The following SRPK2 variants were observed in gnomAD, a reference collection of about 807,000 sequenced individuals.
SRPK2 encodes SRSF protein kinase 2.
Under a neutral mutation model 90.8 loss-of-function variants are expected in SRPK2, and 21 were observed. The ratio of observed to expected loss-of-function variants is 0.23; its 90% CI spans 0.16 to 0.33. The LOEUF is 0.33. Ranked by LOEUF, SRPK2 falls within the 10% of genes least tolerant of loss-of-function variation. The pLI, the probability that SRPK2 is intolerant of heterozygous loss-of-function variation, is 1.00. For missense variants in SRPK2, 620 were observed against 869.0 expected, an observed-to-expected ratio of 0.71 and a Z score of 3.60; for synonymous variants, 288 against 311.1, an observed-to-expected ratio of 0.93 and a Z score of 0.78.
At chr7:105,227,443 A>T (rs1284297500) in intron 2 of SRPK2, among the ~76,000 whole-genome samples, 1 of 152,206 alleles carries the variant, frequency 6.6e-6, no homozygotes, top group Non-Finnish European at 1.5e-5. Flanking sequence ...TTCCTCCAAA[A>T]AAGACATACA....
At chr7:105,338,610 G>A (rs1815397780) in intron 2 of SRPK2, among the ~76,000 whole-genome samples, 1 of 152,172 alleles carries the variant, frequency 6.6e-6, no homozygotes, top group South Asian at 2.1e-4. Context: ...TAAAAGCACT[G>A]ACCTTAAAGG....
At chr7:105,289,246 C>G (rs1808619973) in intron 2 of SRPK2, among the ~76,000 whole-genome samples, 1 of 151,434 alleles carries the variant, frequency 6.6e-6, no homozygotes, top group Non-Finnish European at 1.5e-5. Flanking sequence ...TGCACTCCAG[C>G]CTGGGCGACA....
At chr7:105,281,121 G>C (rs1425298896) in intron 2 of SRPK2, among the ~76,000 whole-genome samples, 1 of 151,336 alleles carries the variant, frequency 6.6e-6, no homozygotes, top group Non-Finnish European at 1.5e-5. Context: ...TCTGAGACAG[G>C]AGTCTCTCTA....
chr7:105,299,362 AG>A (rs1810246567), intron 2 of SRPK2, among the ~76,000 whole-genome samples: 1 of 152,250 alleles, frequency 6.6e-6, no homozygotes, highest in South Asian at 2.1e-4. Flanking sequence ...ATCTACCTTA[AG>A]GCTTCTTTCG....
intron 3 of SRPK2, among the ~76,000 whole-genome samples, chr7:105,199,298 TA>T (rs1795269555): frequency 6.6e-6 from 1 of 152,212 alleles, no homozygotes; most frequent in Non-Finnish European, 1.5e-5. Flanking sequence ...CTTTTGTTGT[TA>T]ATTTTTTTTT....
At chr7:105,302,375 T>C (rs1408210338) in intron 2 of SRPK2, among the ~76,000 whole-genome samples, 2 of 152,218 alleles carry the variant, frequency 1.3e-5, no homozygotes, top group Non-Finnish European at 2.9e-5. Flanking sequence ...TCAGTGTTAA[T>C]TTATATGATC....
chr7:105,294,143 A>G (rs1028877844), intron 2 of SRPK2, among the ~76,000 whole-genome samples: 1 of 152,220 alleles, frequency 6.6e-6, no homozygotes, highest in Non-Finnish European at 1.5e-5. Flanking sequence ...GGTTAAGAGA[A>G]TGCCTGGCAT....
At chr7:105,252,514 T>G (rs1585369740) in intron 2 of SRPK2, among the ~76,000 whole-genome samples, 1 of 152,296 alleles carries the variant, frequency 6.6e-6, no homozygotes, top group African/African-American at 2.4e-5. Flanking sequence ...AATTAAAAAT[T>G]TAATCCTTCA....
chr7:105,339,985 G>A (rs1238604029), intron 2 of SRPK2, among the ~76,000 whole-genome samples: 1 of 151,508 alleles, frequency 6.6e-6, no homozygotes, highest in East Asian at 1.9e-4. Flanking sequence ...TTGAGTCCAG[G>A]AGGCGGAAAC....
chr7:105,225,776 T>A (rs891840284), intron 2 of SRPK2, among the ~76,000 whole-genome samples: 3 of 144,246 alleles, frequency 2.1e-5, no homozygotes, highest in African/African-American at 7.8e-5. Context: ...CTTATAAATG[T>A]CTTACAACTA....
At chr7:105,161,670 C>T (rs1807679603) in intron 6 of SRPK2, among the ~76,000 whole-genome samples, 1 of 152,206 alleles carries the variant, frequency 6.6e-6, no homozygotes, top group Non-Finnish European at 1.5e-5. Context: ...AAATACAGAG[C>T]TCCAGTATCT....
intron 13 of SRPK2, among the ~76,000 whole-genome samples, chr7:105,127,353 C>G (rs796713982): frequency 6.6e-6 from 1 of 152,188 alleles, no homozygotes. Flanking sequence ...CTGGCCAGAG[C>G]GCGGTATGCA....
intron 2 of SRPK2, among the ~76,000 whole-genome samples, chr7:105,370,158 A>C (rs1246331905): frequency 1.3e-5 from 2 of 152,198 alleles, no homozygotes; most frequent in African/African-American, 4.8e-5. Context: ...CCCAGCCACA[A>C]AAGTAGGACT....
intron 2 of SRPK2, among the ~76,000 whole-genome samples, chr7:105,289,742 A>C (rs1425450795): frequency 1.3e-5 from 2 of 152,022 alleles, no homozygotes; most frequent in Non-Finnish European, 2.9e-5. Flanking sequence ...TCCGTCAAAA[A>C]TTTTTCCTTT....
At chr7:105,195,860 G>T (rs1794851295) in intron 3 of SRPK2, among the ~76,000 whole-genome samples, 1 of 152,218 alleles carries the variant, frequency 6.6e-6, no homozygotes, top group Non-Finnish European at 1.5e-5. Flanking sequence ...GCCACAGATT[G>T]TTCTACTGGG....
intron 2 of SRPK2, among the ~76,000 whole-genome samples, chr7:105,212,613 G>A (rs1796993177): frequency 1.3e-5 from 2 of 152,312 alleles, no homozygotes; most frequent in South Asian, 4.1e-4. Context: ...TATCCCTGAG[G>A]CAAGTAGTAG....
intron 3 of SRPK2, among the ~76,000 whole-genome samples, chr7:105,192,531 A>C (rs1190303546): frequency 6.6e-6 from 1 of 152,188 alleles, no homozygotes. Flanking sequence ...ACTTTTTTAT[A>C]TAACGACTTA....
At chr7:105,383,925 C>T (rs1171942189) in intron 2 of SRPK2, among the ~76,000 whole-genome samples, 1 of 152,026 alleles carries the variant, frequency 6.6e-6, no homozygotes, top group Non-Finnish European at 1.5e-5. Flanking sequence ...TTCATAGAGA[C>T]TTAGAATGTA....
intron 2 of SRPK2, among the ~76,000 whole-genome samples, chr7:105,280,714 G>A (rs532512693): frequency 4.6e-5 from 7 of 150,602 alleles, no homozygotes; most frequent in South Asian, 2.1e-4. Context: ...TTGGGAGGCC[G>A]AGGCGGGTGG....
Sources: allele counts gnomAD v4.1 joint callset (sites outside exome capture counted in the v4.1 genomes callset), GRCh38; gene constraint gnomAD v4.1.1; transcripts MANE v1.5; gene names NCBI Gene and HGNC (gene_info 2026-07-23, HGNC 2026-07-21).